Variants in ASH2L observed in about 807,000 individuals in gnomAD.
ASH2L encodes the protein ASH2 like, histone lysine methyltransferase complex subunit.
ASH2L carries 30 observed loss-of-function variants against 81.1 expected under a neutral mutation model. The ratio of observed to expected loss-of-function variants is 0.37; its 90% confidence interval spans 0.28 to 0.50. The LOEUF (loss-of-function observed/expected upper bound fraction) is 0.50, where lower values mean the gene tolerates loss of function less well. Ranked by LOEUF, ASH2L falls within the 20% of genes least tolerant of loss-of-function variation. ASH2L has a pLI of 0.95. For missense variants in ASH2L, 559 were observed against 792.1 expected, an observed-to-expected ratio of 0.71 and a Z score of 3.53; for synonymous variants, 273 against 279.9, an observed-to-expected ratio of 0.98 and a Z score of 0.24.
chr8:38,105,729 C>T lies in ASH2L; in HGVS notation c.179C>T (p.Ala60Val). Residue 60 changes from alanine (A) to valine (V), a missense_variant, in exon 1 of 16, where the codon GCT (alanine) becomes GTT (valine). Ala to Val is a moderately conservative substitution (Grantham distance 64, BLOSUM62 0). Transcript: ENST00000343823. ...ACAGTTGAGCCCAGTTCCGGGGAGG[C>T]TGAAGGCGGGTAAGAGGTCCTGCCG... The part of the protein sequence containing the change: ...APTVEPSSGE[A>V]EGGEANLVDV... The T allele has an allele frequency of 2.6e-6, 4 of 1,523,558 alleles. No individual in the cohort carries two copies. The highest frequency in any genetic ancestry group is 3.5e-6 in the Non-Finnish European group (4 of 1,138,548). 94.4% of individuals were successfully genotyped at this position (1,523,558 alleles called of 1,614,324 possible).
chr8:38,116,540 A>G (rs1810910081), intron 7 of ASH2L, 110 bp from the exon 8 acceptor site: 1 of 877,896 alleles, frequency 1.1e-6, no homozygotes, highest in Non-Finnish European at 1.8e-6. Context: ...CTCAGAAAAA[A>G]AAGAATTGTC....
Position 38,138,876 on chromosome 8 carries a change from G to A in ASH2L, c.1779+1G>A, listed in dbSNP as rs1802375947. On this transcript the variant is annotated splice_donor_variant, in intron 15 of 15. Transcript: ENST00000343823. LOFTEE classifies it high-confidence loss of function. ...TCCGAAGGATCTCACTTACCGCCCT[G>A]TGAGTAACATTACAAATGGCTGCAT... The A allele has an allele frequency of 6.2e-7, 1 of 1,614,036 alleles. No individual in the cohort carries two copies. The highest frequency in any genetic ancestry group is 8.5e-7 in the Non-Finnish European group (1 of 1,179,984).
At chr8:38,110,325 A>G in intron 3 of ASH2L, 54 bp from the exon 4 acceptor site, 1 of 1,364,338 alleles carries the variant, frequency 7.3e-7, no homozygotes, top group Admixed American at 1.7e-5. Flanking sequence ...AAAAAGAAAA[A>G]GAAGTGTGTG....
Position 38,110,406 on chromosome 8 carries a change from C to T in ASH2L, c.429C>T (p.Tyr143=). The T allele has an allele frequency of 6.2e-7, 1 of 1,614,208 alleles. No individual in the cohort carries two copies. Among genetic ancestry groups the T allele is most frequent in the Non-Finnish European group, 8.5e-7 (1 of 1,180,024 alleles). The change falls in exon 4 of 16, where the codon TAC becomes TAT. Residue 143 remains tyrosine, a synonymous_variant. Coordinates refer to ENST00000343823, the MANE Select transcript of ASH2L (RefSeq NM_004674.5). ...TSSCLPFMTN[Y]SFHCNVCHHS... ...CCTGTCTACCTTTCATGACCAACTA[C>T]AGTTTTCATTGCAACGTCTGCCATC...
chr8:38,111,439 A>G (rs1810675683), intron 5 of ASH2L, among the ~76,000 whole-genome samples: 1 of 150,786 alleles, frequency 6.6e-6, no homozygotes, highest in South Asian at 2.1e-4. Flanking sequence ...TCAAGGTGGA[A>G]TGTAGTGACA....
chr8:38,135,778 T>C lies in ASH2L; in HGVS notation c.1719+12T>C. The C allele has an allele frequency of 6.3e-7, 1 of 1,579,506 alleles. No individual in the cohort carries two copies. The highest frequency in any genetic ancestry group is 8.6e-7 in the Non-Finnish European group (1 of 1,162,930). On this transcript the variant is annotated intron_variant, in intron 14 of 15. Coordinates refer to ENST00000343823, the MANE Select transcript of ASH2L (RefSeq NM_004674.5). ...ACAAGAGCTGCACGGTACGTACATG[T>C]TTCCATCCCATGAGCAAAACTTGAG...
chr8:38,115,785 A>G (rs893603863), intron 7 of ASH2L, among the ~76,000 whole-genome samples: 11 of 152,176 alleles, frequency 7.2e-5, no homozygotes, highest in Admixed American at 4.6e-4. Context: ...TCCTGCCTCT[A>G]CCCAAGTTGA....
At position 38,139,173 on chromosome 8, in the gene ASH2L, AC is replaced by A; in HGVS notation, c.*103del. The stretch of plus-strand genomic sequence containing the variant: ...ATGTTCTCCCAAAGATGCTAAAAAC[AC>A]AGCCTCTCCTTTTAGCAAGTTAAAA... On this transcript the variant is annotated 3_prime_UTR_variant, in exon 16 of 16. Transcript: ENST00000343823. 1 of 942,486 alleles carries A rather than the reference AC, an allele frequency of 1.1e-6. No homozygotes were observed. The highest frequency in any genetic ancestry group is 1.6e-6 in the Non-Finnish European group (1 of 644,308). 58.4% of individuals were successfully genotyped at this position (942,486 alleles called of 1,614,324 possible).
At chr8:38,125,330 G>A (rs1386064925) in intron 10 of ASH2L, among the ~76,000 whole-genome samples, 3 of 151,970 alleles carry the variant, frequency 2.0e-5, no homozygotes, top group African/African-American at 4.8e-5. Flanking sequence ...TTAAAAATGC[G>A]GCTATTGGGG....
chr8:38,133,516 G>A lies in ASH2L; in HGVS notation c.1590G>A (p.Glu530=). 1 of 1,611,654 alleles carries A rather than the reference G, an allele frequency of 6.2e-7. No individual in the cohort carries two copies. Among genetic ancestry groups the A allele is most frequent in the Non-Finnish European group, 8.5e-7 (1 of 1,179,766 alleles). ...FEEKDFVDKA[E]KSLKQTPHSE... ...AAAAAGACTTTGTGGATAAAGCAGA[G>A]AAGAGCCTGAAGCAGACTCCCCATA... Residue 530 remains glutamate (E), a synonymous_variant, in exon 13 of 16, where the codon GAG becomes GAA. Transcript: ENST00000343823.
intron 10 of ASH2L, among the ~76,000 whole-genome samples, chr8:38,121,606 T>C (rs1215184004): frequency 6.6e-6 from 1 of 152,126 alleles, no homozygotes; most frequent in Non-Finnish European, 1.5e-5. Flanking sequence ...CTCTTTAGTC[T>C]ATTATAGTCT....
intron 3 of ASH2L, among the ~76,000 whole-genome samples, chr8:38,109,629 T>C (rs1424854236): frequency 6.6e-6 from 1 of 152,244 alleles, no homozygotes; most frequent in African/African-American, 2.4e-5. Flanking sequence ...TCCTGGCCTC[T>C]TCCTCTCTTG....
At chr8:38,134,666 C>T (rs1483733754) in intron 13 of ASH2L, among the ~76,000 whole-genome samples, 1 of 152,048 alleles carries the variant, frequency 6.6e-6, no homozygotes, top group East Asian at 1.9e-4. Context: ...ACATTTTTTT[C>T]ATAAAAATGC....
In ASH2L at chr8:38,121,654, A is replaced by G. The variant is rs373562434; in HGVS notation, c.1165+505A>G. ...AAGCCATTGCTTATCTTTCATGACC[A>G]TGATATTTTTAAGTGTTTTAATCAG... is the stretch of plus-strand genomic sequence containing the variant. On this transcript the variant is annotated intron_variant, in intron 10 of 15. Coordinates refer to ENST00000343823, the MANE Select transcript of ASH2L (RefSeq NM_004674.5). 7.3e-4 allele frequency among the ~76,000 whole-genome samples: 111 copies of G among 152,222 alleles called. 1 individual carries two copies. In the Middle Eastern group the frequency reaches 0.024, roughly 33 times the overall value.
chr8:38,128,494 T>C (rs1269709154), intron 11 of ASH2L, 36 bp downstream of exon 11: 1 of 1,604,676 alleles, frequency 6.2e-7, no homozygotes, highest in East Asian at 2.2e-5. Flanking sequence ...TCACAGCAGA[T>C]AGAGAGGATA....
Position 38,121,215 on chromosome 8 carries a change from A to G in ASH2L, c.1165+66A>G, listed in dbSNP as rs540048493. 1.0e-5 allele frequency: 15 copies of G among 1,439,026 alleles called. No homozygotes were observed. The East Asian group carries it at 3.0e-4, about 28-fold the overall frequency. 89.1% of individuals were successfully genotyped at this position (1,439,026 alleles called of 1,614,324 possible). ...TTGAACTGCCATCATTAGCCTTGTC[A>G]GTCTAGAATTAGGTGTACATCTCAG... On this transcript the variant is annotated intron_variant, in intron 10 of 15. Coordinates refer to ENST00000343823, the MANE Select transcript of ASH2L (RefSeq NM_004674.5).
At chr8:38,120,112 C>T (rs557432726) in intron 9 of ASH2L, among the ~76,000 whole-genome samples, 10 of 152,216 alleles carry the variant, frequency 6.6e-5, no homozygotes, top group East Asian at 3.9e-4. Context: ...GCCACGAGAA[C>T]GAAACTGTCT....
intron 5 of ASH2L, among the ~76,000 whole-genome samples, chr8:38,112,923 GA>G (rs1319321710): frequency 2.6e-5 from 4 of 151,138 alleles, no homozygotes; most frequent in African/African-American, 9.7e-5. Context: ...TATCACTGTG[GA>G]TTATTTTTTA....
chr8:38,128,579 G>T, intron 11 of ASH2L, 121 bp downstream of exon 11: 2 of 1,466,920 alleles, frequency 1.4e-6, no homozygotes, highest in Admixed American at 2.4e-5. Context: ...CAGTTCCTGA[G>T]GGTTGAGCTG....
Sources: allele counts gnomAD v4.1 joint callset (sites outside exome capture counted in the v4.1 genomes callset), GRCh38; gene constraint gnomAD v4.1.1; transcripts MANE v1.5; gene names NCBI Gene and HGNC (gene_info 2026-07-23, HGNC 2026-07-21).